TSHZ2: variants seen among roughly 807,000 people sequenced by gnomAD.
The protein encoded by TSHZ2 is teashirt zinc finger homeobox 2.
A neutral mutation model predicts 74.4 loss-of-function variants in TSHZ2; 21 were observed. The observed-to-expected ratio is 0.28, with a 90% confidence interval of 0.20 to 0.41. TSHZ2 has a LOEUF of 0.41. Among genes scored for constraint, TSHZ2 ranks in the 10% least tolerant of loss-of-function variants. The pLI, the probability that TSHZ2 is intolerant of heterozygous loss-of-function variation, is 1.00. For missense variants in TSHZ2, 1,244 were observed against 1,293.5 expected, an observed-to-expected ratio of 0.96 and a Z score of 0.59; for synonymous variants, 540 against 515.3, an observed-to-expected ratio of 1.05 and a Z score of -0.65.
intron 2 of TSHZ2, among the ~76,000 whole-genome samples, chr20:53,335,379 G>A (rs1022480071): frequency 6.6e-6 from 1 of 152,156 alleles, no homozygotes; most frequent in Admixed American, 6.5e-5. Context: ...ATAGGGAAAG[G>A]CTAAATAGAC....
chr20:53,070,355 G>A (rs1045102710), intron 1 of TSHZ2, among the ~76,000 whole-genome samples: 4 of 152,102 alleles, frequency 2.6e-5, no homozygotes, highest in African/African-American at 9.7e-5. Flanking sequence ...CTGTCTAATA[G>A]CCTATCTTAA....
chr20:53,257,165 A>G (rs1344733859), intron 2 of TSHZ2, among the ~76,000 whole-genome samples: 1 of 152,232 alleles, frequency 6.6e-6, no homozygotes, highest in East Asian at 1.9e-4. Context: ...GTTATTTTCT[A>G]CATTAAGTGT....
intron 1 of TSHZ2, among the ~76,000 whole-genome samples, chr20:53,172,650 A>T (rs1988228761): frequency 6.6e-6 from 1 of 152,202 alleles, no homozygotes; most frequent in Non-Finnish European, 1.5e-5. Flanking sequence ...AAATCCTCAC[A>T]ACCATCCTGT....
rs1248623182 is a variant in TSHZ2, at chr20:53,487,981, G to A, written c.*846G>A. The stretch of plus-strand genomic sequence containing the variant: ...GGAGAATAGGTGAAATGCAGAATCT[G>A]AGAGAACGCGAGAAGATGAGATCAT... On this transcript the variant is annotated 3_prime_UTR_variant, in exon 3 of 3. Transcript: ENST00000371497. 2 of 152,222 alleles carry A rather than the reference G, an allele frequency of 1.3e-5. No individual in the cohort carries two copies. Among genetic ancestry groups the A allele is most frequent in the Non-Finnish European group, 2.9e-5 (2 of 68,040 alleles). 9.4% of individuals were successfully genotyped at this position (152,222 alleles called of 1,614,324 possible).
intron 2 of TSHZ2, among the ~76,000 whole-genome samples, chr20:53,458,496 C>T (rs545681671): frequency 6.6e-6 from 1 of 152,164 alleles, no homozygotes; most frequent in African/African-American, 2.4e-5. Flanking sequence ...TTTGTTGATC[C>T]TTTCAAAAAA....
Position 53,034,822 on chromosome 20 carries a change from C to A in TSHZ2, c.40+61489C>A, listed in dbSNP as rs561768300. On this transcript the variant is annotated intron_variant, in intron 1 of 2. Transcript: ENST00000371497. Reference sequence around the variant, plus strand: ...AGTCCAAGATCCTCAAGAGCCCACTCCTGCAGGATCTTATAGGTCAGGATA... The same window carrying A: ...AGTCCAAGATCCTCAAGAGCCCACTACTGCAGGATCTTATAGGTCAGGATA... Among the ~76,000 whole-genome samples the A allele has an allele frequency of 1.9e-4, 29 of 152,186 alleles. 1 individual carries two copies. Among genetic ancestry groups the A allele is most frequent in the Admixed American group, 9.8e-4 (15 of 15,282 alleles).
chr20:53,305,519 C>A (rs1978496516), intron 2 of TSHZ2, among the ~76,000 whole-genome samples: 1 of 152,114 alleles, frequency 6.6e-6, no homozygotes, highest in Non-Finnish European at 1.5e-5. Context: ...TTATAAAAAA[C>A]GCTCCTTATA....
intron 1 of TSHZ2, among the ~76,000 whole-genome samples, chr20:53,229,758 A>G (rs1305989603): frequency 6.8e-6 from 1 of 146,556 alleles, no homozygotes; most frequent in East Asian, 2.3e-4. Context: ...ATCGAAAGAA[A>G]GGAGGGGGAA....
intron 1 of TSHZ2, among the ~76,000 whole-genome samples, chr20:53,245,451 C>T (rs1758129216): frequency 6.6e-6 from 1 of 152,222 alleles, no homozygotes; most frequent in Admixed American, 6.5e-5. Flanking sequence ...CTGGAGAGGA[C>T]AGGGGCTGAA....
chr20:53,120,602 A>C (rs529448086), intron 1 of TSHZ2, among the ~76,000 whole-genome samples: 2 of 152,338 alleles, frequency 1.3e-5, no homozygotes, highest in South Asian at 4.1e-4. Context: ...GAGCCATTAG[A>C]GGGAAAAAGT....
chr20:53,321,697 A>AAAAAAAAAAAAAAAAAAAAAAAAG (rs1555850300), intron 2 of TSHZ2, among the ~76,000 whole-genome samples: 1 of 140,516 alleles, frequency 7.1e-6, no homozygotes, highest in African/African-American at 2.8e-5. Context: ...AAAAAAAAAA[A>AAAAAAAAAAAAAAAAAAAAAAAAG]AAAGAAAGAC....
intron 1 of TSHZ2, among the ~76,000 whole-genome samples, chr20:53,102,450 G>A (rs930337478): frequency 1.3e-5 from 2 of 151,134 alleles, no homozygotes; most frequent in Non-Finnish European, 2.9e-5. Flanking sequence ...AGGAGGTGGG[G>A]GAAGAGAGGA....
Position 52,973,159 on chromosome 20 carries a change from G to T in TSHZ2, c.-135G>T. 2.6e-6 allele frequency: 3 copies of T among 1,158,042 alleles called. No homozygotes were observed. The highest frequency in any genetic ancestry group is 1.5e-5 in the South Asian group (1 of 66,294). The allele number at this position is 1,158,042 out of a possible 1,614,324, so 71.7% of individuals were successfully genotyped here. On this transcript the variant is annotated 5_prime_UTR_variant, in exon 1 of 3. An upstream open reading frame in the 5' UTR gains an earlier in-frame stop. Transcript: ENST00000371497. Reference sequence around the variant, plus strand: ...GGAGTTGCAGGGGGGATCGTCAGGGGGACAGAGGCCGAGTGACGTCCTAGG... The same window carrying T: ...GGAGTTGCAGGGGGGATCGTCAGGGTGACAGAGGCCGAGTGACGTCCTAGG...
In TSHZ2 at chr20:53,253,488, T is replaced by A. The variant is rs748806888; in HGVS notation, c.41-11T>A. ...GTTACTGTCGTTTCATCTCTTCTTC[T>A]TCTCTTGCAGGCTACGCCCAGGAGG... On this transcript the variant is annotated splice_polypyrimidine_tract_variant and intron_variant, in intron 1 of 2. Coordinates refer to ENST00000371497, the MANE Select transcript of TSHZ2 (RefSeq NM_173485.6). The A allele has an allele frequency of 6.3e-7, 1 of 1,584,874 alleles. No individual in the cohort carries two copies. Among genetic ancestry groups the A allele is most frequent in the Non-Finnish European group, 8.6e-7 (1 of 1,166,196 alleles).
At position 52,998,229 on chromosome 20, in the gene TSHZ2, C is replaced by T. The variant is rs112287563; in HGVS notation, c.40+24896C>T. Reference sequence around the variant, plus strand: ...TGTCACCCAGGCTGGCATGCAATGGCGTGATCTTGGCTCACTGCAGCCTCT... The same window carrying T: ...TGTCACCCAGGCTGGCATGCAATGGTGTGATCTTGGCTCACTGCAGCCTCT... On this transcript the variant is annotated intron_variant, in intron 1 of 2. Transcript: ENST00000371497. Among the ~76,000 whole-genome samples the T allele has an allele frequency of 4.8e-3, 737 of 152,228 alleles. 3 individuals are homozygous for T. Among genetic ancestry groups the T allele is most frequent in the African/African-American group, 0.016 (679 of 41,544 alleles).
intron 1 of TSHZ2, among the ~76,000 whole-genome samples, chr20:53,203,673 G>T (rs757826816): frequency 1.2e-4 from 18 of 152,128 alleles, no homozygotes; most frequent in South Asian, 8.3e-4. Flanking sequence ...GTGGAGTGTG[G>T]TCTCATCGCC....
At chr20:53,081,110 G>A (rs943597088) in intron 1 of TSHZ2, among the ~76,000 whole-genome samples, 2 of 152,126 alleles carry the variant, frequency 1.3e-5, no homozygotes, top group African/African-American at 4.8e-5. Context: ...CAAACTGCTG[G>A]GCTCAAGCAG....
chr20:53,321,697 A>AAAAAAAAAAAAAAAAAAAAAAAAAG (rs1555850300), intron 2 of TSHZ2, among the ~76,000 whole-genome samples: 1 of 140,516 alleles, frequency 7.1e-6, no homozygotes, highest in African/African-American at 2.8e-5. Context: ...AAAAAAAAAA[A>AAAAAAAAAAAAAAAAAAAAAAAAAG]AAAGAAAGAC....
At chr20:53,160,347 A>C (rs1219253643) in intron 1 of TSHZ2, among the ~76,000 whole-genome samples, 1 of 152,218 alleles carries the variant, frequency 6.6e-6, no homozygotes, top group African/African-American at 2.4e-5. Flanking sequence ...CCTTATGGCT[A>C]TGCCGAGTCT....
Sources: allele counts gnomAD v4.1 joint callset (sites outside exome capture counted in the v4.1 genomes callset), GRCh38; gene constraint gnomAD v4.1.1; transcripts MANE v1.5; gene names NCBI Gene and HGNC (gene_info 2026-07-23, HGNC 2026-07-21).